The following ESR1 variants were observed in gnomAD, a reference collection of about 807,000 sequenced individuals.
The protein encoded by ESR1 is estrogen receptor.
In ESR1, 12 loss-of-function variants were observed where a neutral mutation model predicts 52.7. The ratio of observed to expected loss-of-function variants is 0.23; its 90% CI spans 0.15 to 0.37. The LOEUF is 0.37. ESR1 is among the 10% of genes least tolerant of loss of function. The pLI, the probability that ESR1 is intolerant of heterozygous loss-of-function variation, is 1.00. For synonymous variants in ESR1, 305 were observed against 316.8 expected, an observed-to-expected ratio of 0.96 and a Z score of 0.39; for missense variants, 584 against 779.7, an observed-to-expected ratio of 0.75 and a Z score of 2.99.
chr6:151,817,132 G>A (rs149526997), intron 1 of ESR1, among the ~76,000 whole-genome samples: 5 of 152,254 alleles, frequency 3.3e-5, no homozygotes, highest in African/African-American at 9.6e-5. Flanking sequence ...CTACAAGGAC[G>A]TCTTTTTCAC....
chr6:151,923,087 G>A (rs531399319), intron 3 of ESR1, among the ~76,000 whole-genome samples: 8 of 152,112 alleles, frequency 5.3e-5, no homozygotes, highest in African/African-American at 1.2e-4. Flanking sequence ...ACTCATGTAC[G>A]AAACAACTTT....
upstream of ESR1, among the ~76,000 whole-genome samples, chr6:151,803,370 T>G (rs1247564140): frequency 2.0e-5 from 3 of 152,182 alleles, no homozygotes; most frequent in African/African-American, 7.2e-5. Context: ...ACAAGAGGCA[T>G]GCTTTCCCCT....
chr6:151,717,395 C>G (rs374412870), intron 2 of ESR1, among the ~76,000 whole-genome samples: 48 of 152,264 alleles, frequency 3.2e-4, no homozygotes, highest in East Asian at 2.9e-3. Context: ...AGAATAGAAA[C>G]AAGTAAGAGC....
rs558044727 is a variant in ESR1, at chr6:151,740,646, G to GT, written c.-71+38647dup. 4.7e-3 allele frequency among the ~76,000 whole-genome samples: 713 copies of GT among 151,956 alleles called. 7 individuals carry two copies. Among genetic ancestry groups the GT allele is most frequent in the African/African-American group, 0.016 (680 of 41,436 alleles). ...TTTTTTGATCAATTTTTTTTACACA[G>GT]TTTTTTGTAACGGAGCAAAATATTT... On this transcript the variant is annotated intron_variant, in intron 2 of 2. Coordinates refer to the ESR1 transcript ENST00000404742.
intron 4 of ESR1, among the ~76,000 whole-genome samples, chr6:151,973,161 A>G (rs1401127382): frequency 2.0e-5 from 3 of 152,338 alleles, no homozygotes; most frequent in African/African-American, 2.4e-5. Context: ...TCAAGTTGAC[A>G]TTACATATTA....
At chr6:151,894,822 A>G (rs1795220324) in intron 3 of ESR1, among the ~76,000 whole-genome samples, 1 of 152,136 alleles carries the variant, frequency 6.6e-6, no homozygotes, top group Admixed American at 6.6e-5. Context: ...AGGTAATGTG[A>G]TGCCTCCAGA....
intron 3 of ESR1, among the ~76,000 whole-genome samples, chr6:151,900,542 G>A (rs1295983608): frequency 6.6e-6 from 1 of 152,280 alleles, no homozygotes; most frequent in East Asian, 1.9e-4. Context: ...TACTGGGATT[G>A]TTTTTCTGGT....
chr6:151,787,658 T>C (rs148601158), intron 2 of ESR1, among the ~76,000 whole-genome samples: 1 of 152,250 alleles, frequency 6.6e-6, no homozygotes, highest in East Asian at 1.9e-4. Context: ...CTATTTTTGG[T>C]GTATAGGAAG....
At chr6:151,817,693 A>C (rs756716134) in intron 1 of ESR1, among the ~76,000 whole-genome samples, 5 of 152,256 alleles carry the variant, frequency 3.3e-5, no homozygotes, top group Non-Finnish European at 7.3e-5. Flanking sequence ...AGATAACATT[A>C]GGAAGCAATC....
exon 7 of ESR1, chr6:152,126,857 G>A (rs922562149): frequency 1.3e-5 from 2 of 152,140 alleles, no homozygotes; most frequent in Non-Finnish European, 1.5e-5. Context: ...TTATAATCAA[G>A]GAAATGAAAA....
At chr6:151,907,977 A>G (rs1397976573) in intron 3 of ESR1, among the ~76,000 whole-genome samples, 1 of 152,224 alleles carries the variant, frequency 6.6e-6, no homozygotes, top group East Asian at 1.9e-4. Context: ...ATACTGAGCA[A>G]TAACAAAGAG....
intron 6 of ESR1, among the ~76,000 whole-genome samples, chr6:152,065,632 C>G (rs926033981): frequency 1.3e-5 from 2 of 152,158 alleles, no homozygotes; most frequent in Non-Finnish European, 2.9e-5. Flanking sequence ...ACTTCTCTCC[C>G]TGGAGAACCA....
chr6:151,980,383 T>A (rs1295514292), intron 4 of ESR1, among the ~76,000 whole-genome samples: 1 of 152,202 alleles, frequency 6.6e-6, no homozygotes, highest in East Asian at 1.9e-4. Context: ...TTTGAGTAAT[T>A]TTCAGTGTCT....
chr6:151,932,670 A>G (rs2033822141), intron 3 of ESR1, among the ~76,000 whole-genome samples: 1 of 150,030 alleles, frequency 6.7e-6, no homozygotes, highest in Non-Finnish European at 1.5e-5. Flanking sequence ...CTTTCTACAT[A>G]TGGCTAGCCA....
chr6:151,738,424 T>G (rs1334768160), intron 2 of ESR1, among the ~76,000 whole-genome samples: 1 of 152,178 alleles, frequency 6.6e-6, no homozygotes, highest in Non-Finnish European at 1.5e-5. Flanking sequence ...TTTTTAAATT[T>G]CTCGGAAACT....
chr6:151,667,201 T>G (rs1230972423), intron 1 of ESR1, among the ~76,000 whole-genome samples: 1 of 152,210 alleles, frequency 6.6e-6, no homozygotes, highest in Non-Finnish European at 1.5e-5. Flanking sequence ...ACATGGAGTT[T>G]GTATGTTCCC....
chr6:152,072,326 CCT>C (rs1336106341), intron 6 of ESR1, among the ~76,000 whole-genome samples: 1 of 151,996 alleles, frequency 6.6e-6, no homozygotes. Flanking sequence ...TATGTCTTAT[CCT>C]CTGTTTTGGG....
At chr6:151,883,787 A>G (rs187867380) in intron 3 of ESR1, among the ~76,000 whole-genome samples, 3 of 152,022 alleles carry the variant, frequency 2.0e-5, no homozygotes, top group African/African-American at 7.2e-5. Flanking sequence ...ATTTTTCCCG[A>G]GGCCTCTCTC....
chr6:151,780,740 TCTC>T (rs1425210845), intron 2 of ESR1, among the ~76,000 whole-genome samples: 1 of 152,196 alleles, frequency 6.6e-6, no homozygotes, highest in African/African-American at 2.4e-5. Flanking sequence ...GTCCATTGAT[TCTC>T]CTCATTCTCA....
Sources: gnomAD v4.1 joint callset for allele counts (sites outside exome capture counted in the v4.1 genomes callset) on GRCh38, gnomAD v4.1.1 for gene constraint, MANE v1.5 for transcripts, NCBI Gene and HGNC (gene_info 2026-07-23, HGNC 2026-07-21) for gene names.